HELZ: variants seen among roughly 807,000 people sequenced by gnomAD.
HELZ encodes the protein ATP-dependent RNA helicase with zinc finger domain.
HELZ carries 23 observed loss-of-function variants against 218.2 expected under a neutral mutation model. The ratio of observed to expected loss-of-function variants is 0.11; its 90% CI spans 0.08 to 0.15. HELZ has a LOEUF of 0.15. HELZ is among the 10% of genes least tolerant of loss of function. The pLI, the probability that HELZ is intolerant of heterozygous loss-of-function variation, is 1.00. For synonymous variants in HELZ, 814 were observed against 829.4 expected (o/e 0.98, Z 0.32); for missense variants, 1,813 against 2,353.7 (o/e 0.77, Z 4.75).
intron 31 of HELZ, among the ~76,000 whole-genome samples, chr17:67,088,106 A>G (rs2036449482): frequency 6.6e-6 from 1 of 152,268 alleles, no homozygotes; most frequent in African/African-American, 2.4e-5. Context: ...CATGTACAGC[A>G]GTTCTTGGCA....
At chr17:67,145,712 T>C (rs2144009715) in intron 21 of HELZ, 31 bp downstream of exon 21, 1 of 1,561,130 alleles carries the variant, frequency 6.4e-7, no homozygotes, top group Non-Finnish European at 8.8e-7. Context: ...ACTGAGAAAA[T>C]GTTAACAATT....
At chr17:67,078,647 A>C in intron 32 of HELZ, 61 bp from the exon 33 acceptor site, 3 of 1,209,848 alleles carry the variant, frequency 2.5e-6, no homozygotes, top group Non-Finnish European at 3.3e-6. Context: ...CATGTGCCTC[A>C]TTCACTCAGT....
chr17:67,236,737 A>G (rs763250167), intron 3 of HELZ, among the ~76,000 whole-genome samples: 15 of 149,996 alleles, frequency 1.0e-4, no homozygotes, highest in Non-Finnish European at 2.3e-4. Flanking sequence ...TTGTCTTAGG[A>G]TAATAACCCA....
In HELZ at chr17:67,166,422, G is replaced by A. The variant is rs1055110100; in HGVS notation, c.1895+56C>T. 49 of 1,430,074 alleles carry A rather than the reference G, an allele frequency of 3.4e-5. No homozygotes were observed. The Middle Eastern group carries it at 1.4e-3, about 41-fold the overall frequency. The allele number at this position is 1,430,074 out of a possible 1,614,324, so 88.6% of individuals were successfully genotyped here. ...AAGTATGCTTGAGTTATTTGATACAGATATTCAATTTAATATTAACCTAAC... is the reference window on the plus strand; with the variant it reads ...AAGTATGCTTGAGTTATTTGATACAAATATTCAATTTAATATTAACCTAAC... On this transcript the variant is annotated intron_variant, in intron 15 of 32. Transcript: ENST00000358691.
intron 15 of HELZ, among the ~76,000 whole-genome samples, chr17:67,164,994 G>T (rs1168484260): frequency 6.6e-6 from 1 of 152,138 alleles, no homozygotes; most frequent in African/African-American, 2.4e-5. Flanking sequence ...AAATAGTCCG[G>T]GTCTAAAAGC....
At chr17:67,236,164 A>G (rs1226672872) in intron 3 of HELZ, among the ~76,000 whole-genome samples, 2 of 152,206 alleles carry the variant, frequency 1.3e-5, no homozygotes, top group Non-Finnish European at 2.9e-5. Context: ...TGATATCAAC[A>G]AACAGTTCAC....
chr17:67,134,277 C>T (rs1252538398), intron 23 of HELZ, among the ~76,000 whole-genome samples: 5 of 151,676 alleles, frequency 3.3e-5, no homozygotes, highest in Admixed American at 6.6e-5. Context: ...CCCAGCTACT[C>T]GGGAGGCTGA....
chr17:67,150,732 G>A (rs2038657348), intron 18 of HELZ, among the ~76,000 whole-genome samples: 1 of 152,084 alleles, frequency 6.6e-6, no homozygotes, highest in African/African-American at 2.4e-5. Flanking sequence ...ACCAACTAGA[G>A]AATAAATGGA....
intron 27 of HELZ, among the ~76,000 whole-genome samples, chr17:67,117,552 CTTTT>C (rs35601947): frequency 1.4e-5 from 2 of 143,044 alleles, no homozygotes; most frequent in African/African-American, 5.1e-5. Context: ...ATACTGAAAA[CTTTT>C]TTTTTTTTTT....
At chr17:67,232,702 G>C (rs1344935001) in intron 3 of HELZ, among the ~76,000 whole-genome samples, 1 of 152,172 alleles carries the variant, frequency 6.6e-6, no homozygotes, top group Non-Finnish European at 1.5e-5. Context: ...CACTATAATT[G>C]ATGCAGAGGG....
chr17:67,201,783 T>C (rs2040175039), intron 6 of HELZ, among the ~76,000 whole-genome samples: 1 of 152,216 alleles, frequency 6.6e-6, no homozygotes, highest in South Asian at 2.1e-4. Context: ...ATAATCTTAA[T>C]AACAAAGAAG....
chr17:67,171,855 G>A lies in HELZ; in HGVS notation c.1431-4059C>T, dbSNP rs111788648. 7.0e-3 allele frequency among the ~76,000 whole-genome samples: 1,063 copies of A among 151,128 alleles called. 14 individuals are homozygous for A. The highest frequency in any genetic ancestry group is 0.025 in the African/African-American group (1,012 of 41,110). On this transcript the variant is annotated intron_variant, in intron 13 of 32. Transcript: ENST00000358691. ...TTGTTTTGTTTTTTTTTTTGAGACG[G>A]AGTTTCACTCTTGATGCCCCAGCTG...
intron 24 of HELZ, among the ~76,000 whole-genome samples, chr17:67,128,179 A>C (rs1430080065): frequency 6.6e-6 from 1 of 152,236 alleles, no homozygotes; most frequent in African/African-American, 2.4e-5. Flanking sequence ...TCAAGAAGTC[A>C]GCCAAATTTT....
In HELZ at chr17:67,136,358, A is replaced by G. The variant is rs189798096; in HGVS notation, c.2954-160T>C. ...TATGCACTGCTGGTGAGAATGTCCAATGGTACAGCTGCTGTGGAAAACAGT... is the reference window on the plus strand; with the variant it reads ...TATGCACTGCTGGTGAGAATGTCCAGTGGTACAGCTGCTGTGGAAAACAGT... On this transcript the variant is annotated intron_variant, in intron 22 of 32. Coordinates refer to ENST00000358691, the MANE Select transcript of HELZ (RefSeq NM_014877.4). Among the ~76,000 whole-genome samples the G allele has an allele frequency of 7.2e-4, 109 of 152,366 alleles. 1 individual carries two copies. The highest frequency in any genetic ancestry group is 7.1e-3 in the Admixed American group (108 of 15,302).
intron 20 of HELZ, 123 bp from the exon 21 acceptor site, chr17:67,146,013 C>A: frequency 2.4e-6 from 2 of 821,184 alleles, no homozygotes; most frequent in Non-Finnish European, 3.8e-6. Context: ...AATTTTACTC[C>A]AATCATCTAA....
At chr17:67,135,869 T>C in intron 23 of HELZ, 101 bp downstream of exon 23, 1 of 921,758 alleles carries the variant, frequency 1.1e-6, no homozygotes, top group Non-Finnish European at 1.6e-6. Context: ...ACAATAAACC[T>C]GTTTTTAATT....
At chr17:67,139,646 T>C (rs564979041) in intron 21 of HELZ, among the ~76,000 whole-genome samples, 13 of 152,294 alleles carry the variant, frequency 8.5e-5, no homozygotes, top group African/African-American at 3.1e-4. Context: ...TCAAAGAGGT[T>C]ACAAGAAATT....
intron 23 of HELZ, among the ~76,000 whole-genome samples, chr17:67,133,590 C>T (rs1217451995): frequency 6.6e-6 from 1 of 152,132 alleles, no homozygotes; most frequent in Non-Finnish European, 1.5e-5. Context: ...GGCGTGATCA[C>T]TAGAGCCTCA....
In HELZ at chr17:67,145,199, T is replaced by C. The variant is rs542705922; in HGVS notation, c.2769+544A>G. 2.0e-5 allele frequency among the ~76,000 whole-genome samples: 3 copies of C among 152,326 alleles called. No homozygotes were observed. In the East Asian group the frequency reaches 5.8e-4, roughly 29 times the overall value. ...CCAGGGTTTCTGGTTTGTTAGCCCC[T>C]GAAGACGTTGCCATTTTTTTGGTCT... On this transcript the variant is annotated intron_variant, in intron 21 of 32. Transcript: ENST00000358691.
Sources: allele counts gnomAD v4.1 joint callset (sites outside exome capture counted in the v4.1 genomes callset), GRCh38; gene constraint gnomAD v4.1.1; transcripts MANE v1.5; gene names NCBI Gene and HGNC (gene_info 2026-07-23, HGNC 2026-07-21).